Variants in PCDH15 observed in about 807,000 individuals in gnomAD.
PCDH15 encodes the protein protocadherin related 15, also known as protocadherin-15.
A neutral mutation model predicts 178.5 loss-of-function variants in PCDH15; 129 were observed. The observed-to-expected ratio is 0.72, with a 90% CI of 0.63 to 0.84. The LOEUF (loss-of-function observed/expected upper bound fraction) is 0.84. PCDH15 is among the 40% of genes least tolerant of loss of function. The probability of loss-of-function intolerance (pLI) is 0.00; values close to 1 mark genes in which losing one functional copy is unlikely to be tolerated. For synonymous variants in PCDH15, 800 were observed against 732.0 expected (o/e 1.09, Z -1.50); for missense variants, 2,230 against 2,099.9 (o/e 1.06, Z -1.21).
chr10:54,678,167 C>A (rs1401338039), intron 1 of PCDH15, among the ~76,000 whole-genome samples: 1 of 152,124 alleles, frequency 6.6e-6, no homozygotes, highest in Non-Finnish European at 1.5e-5. Flanking sequence ...TGTATATACA[C>A]ACACACATAT....
At chr10:54,965,687 A>G (rs1564671164) in intron 2 of PCDH15, among the ~76,000 whole-genome samples, 2 of 148,186 alleles carry the variant, frequency 1.3e-5, no homozygotes, top group Non-Finnish European at 3.0e-5. Flanking sequence ...AGCCACATTA[A>G]TTTTTTTTCA....
chr10:55,498,667 G>A (rs1840588110), intron 2 of PCDH15, among the ~76,000 whole-genome samples: 1 of 151,852 alleles, frequency 6.6e-6, no homozygotes, highest in South Asian at 2.1e-4. Flanking sequence ...TATAGTAGAT[G>A]ATTGCTATCT....
At chr10:53,888,300 A>ATATATGTATATATATACG (rs1554845155) in intron 26 of PCDH15, among the ~76,000 whole-genome samples, 3 of 82,014 alleles carry the variant, frequency 3.7e-5, no homozygotes, top group African/African-American at 1.0e-4. Context: ...ACATATATAT[A>ATATATGTATATATATACG]TATATATATG....
chr10:54,607,812 T>C (rs2092808221), intron 2 of PCDH15: 1 of 517,310 alleles, frequency 1.9e-6, no homozygotes, highest in Middle Eastern at 6.7e-4. Flanking sequence ...ATATGAAGAA[T>C]GATGGTAAGG....
chr10:54,161,992 T>C (rs1471663355), intron 13 of PCDH15, among the ~76,000 whole-genome samples: 2 of 152,144 alleles, frequency 1.3e-5, no homozygotes, highest in South Asian at 4.1e-4. Flanking sequence ...ATGAAACCCT[T>C]GATGTTTTGG....
At chr10:54,766,160 T>A (rs1948488807) in intron 1 of PCDH15, among the ~76,000 whole-genome samples, 1 of 152,002 alleles carries the variant, frequency 6.6e-6, no homozygotes, top group African/African-American at 2.4e-5. Context: ...ATAAAATGAG[T>A]AATACGTTTA....
At chr10:55,473,776 GAT>G (rs1315955696) in intron 2 of PCDH15, among the ~76,000 whole-genome samples, 1 of 152,018 alleles carries the variant, frequency 6.6e-6, no homozygotes, top group Admixed American at 6.6e-5. Flanking sequence ...TTCTCTAATA[GAT>G]TACAAAATTT....
chr10:55,345,018 G>A (rs1300360390), intron 2 of PCDH15, among the ~76,000 whole-genome samples: 1 of 151,772 alleles, frequency 6.6e-6, no homozygotes, highest in African/African-American at 2.4e-5. Context: ...TCATGATCTA[G>A]GTCAAGCAAA....
intron 2 of PCDH15, among the ~76,000 whole-genome samples, chr10:55,446,611 C>G (rs1037733003): frequency 6.6e-6 from 1 of 151,986 alleles, no homozygotes; most frequent in African/African-American, 2.4e-5. Context: ...CATCAACATG[C>G]GCATACTTGC....
chr10:55,105,180 A>C (rs532397553), intron 2 of PCDH15, among the ~76,000 whole-genome samples: 2 of 152,320 alleles, frequency 1.3e-5, no homozygotes, highest in East Asian at 3.9e-4. Flanking sequence ...ATTTGTGCTT[A>C]ATTTGTAGTA....
chr10:53,822,333 A>T, intron 32 of PCDH15: 1 of 1,596,342 alleles, frequency 6.3e-7, no homozygotes, highest in Non-Finnish European at 8.5e-7. Context: ...TGAAACGGAA[A>T]GTGGAAAAAA....
chr10:54,864,293 G>C (rs1027444866), intron 3 of PCDH15, among the ~76,000 whole-genome samples: 3 of 152,068 alleles, frequency 2.0e-5, no homozygotes, highest in African/African-American at 7.2e-5. Flanking sequence ...GGATAAAGTA[G>C]AGAAGAGACA....
intron 3 of PCDH15, among the ~76,000 whole-genome samples, chr10:54,486,671 A>AT (rs376180667): frequency 2.7e-5 from 4 of 148,142 alleles, no homozygotes; most frequent in Admixed American, 6.8e-5. Flanking sequence ...AAAAATCTTG[A>AT]TTTTTTTTGT....
intron 35 of PCDH15, among the ~76,000 whole-genome samples, chr10:53,812,361 C>T (rs2075898801): frequency 6.7e-6 from 1 of 148,976 alleles, no homozygotes; most frequent in East Asian, 2.2e-4. Context: ...GCGCCCGCCA[C>T]CACGCCCGTC....
chr10:55,036,488 A>C (rs1840737259), intron 2 of PCDH15, among the ~76,000 whole-genome samples: 1 of 152,122 alleles, frequency 6.6e-6, no homozygotes, highest in Admixed American at 6.6e-5. Flanking sequence ...TAGAAATTTG[A>C]TCCACTTCCA....
chr10:55,101,322 C>G (rs1300380311), intron 2 of PCDH15, among the ~76,000 whole-genome samples: 1 of 151,548 alleles, frequency 6.6e-6, no homozygotes, highest in Non-Finnish European at 1.5e-5. Context: ...GTGGAGTTTA[C>G]AGTGATCAGT....
chr10:54,265,503 A>C (rs1320933338), intron 8 of PCDH15, among the ~76,000 whole-genome samples: 2 of 151,940 alleles, frequency 1.3e-5, no homozygotes, highest in Non-Finnish European at 2.9e-5. Context: ...AAAAAAAAGA[A>C]TCATCCATCT....
chr10:54,239,634 T>C (rs1296353627), intron 8 of PCDH15, among the ~76,000 whole-genome samples: 1 of 152,028 alleles, frequency 6.6e-6, no homozygotes, highest in Non-Finnish European at 1.5e-5. Context: ...TTTAACATTA[T>C]TAATAAATAA....
chr10:54,852,022 T>A (rs1050039063), intron 3 of PCDH15, among the ~76,000 whole-genome samples: 1 of 152,140 alleles, frequency 6.6e-6, no homozygotes, highest in Non-Finnish European at 1.5e-5. Context: ...ATAACAAGAG[T>A]TTAAATTTAA....
Sources: gnomAD v4.1 joint callset for allele counts (sites outside exome capture counted in the v4.1 genomes callset) on GRCh38, gnomAD v4.1.1 for gene constraint, MANE v1.5 for transcripts, NCBI Gene and HGNC (gene_info 2026-07-23, HGNC 2026-07-21) for gene names.